Variants in MRTFB observed in about 807,000 individuals in gnomAD.
MRTFB encodes the protein myocardin-related transcription factor B.
A neutral mutation model predicts 104.2 loss-of-function variants in MRTFB; 29 were observed. That is an observed-to-expected ratio of 0.28 (90% CI 0.21 to 0.38). The LOEUF is 0.38. Among genes scored for constraint, MRTFB ranks in the 10% least tolerant of loss-of-function variants. The pLI, the probability that MRTFB is intolerant of heterozygous loss-of-function variation, is 1.00. For missense variants in MRTFB, 1,270 were observed against 1,341.6 expected (o/e 0.95, Z 0.83); for synonymous variants, 535 against 519.5 (o/e 1.03, Z -0.41).
At chr16:14,063,801 T>C in the MRTFB span, among the ~76,000 whole-genome samples, 1 of 152,216 alleles carries the variant, frequency 6.6e-6, no homozygotes, top group Non-Finnish European at 1.5e-5. Flanking sequence ...GCAAAGGACA[T>C]GATCTCATTC....
At chr16:14,039,760 C>CT in the MRTFB span, among the ~76,000 whole-genome samples, 340 of 121,924 alleles carry the variant, frequency 2.8e-3, 5 homozygotes, top group African/African-American at 8.8e-3. Context: ...ATAATATGTT[C>CT]TTTTTTTTTT....
the MRTFB span, among the ~76,000 whole-genome samples, chr16:14,008,683 A>C: frequency 1.3e-5 from 2 of 152,092 alleles, no homozygotes; most frequent in South Asian, 4.1e-4. Flanking sequence ...TTTCCATATG[A>C]ATTTTAGGAT....
the MRTFB span, among the ~76,000 whole-genome samples, chr16:14,028,915 C>T: frequency 6.6e-6 from 1 of 152,162 alleles, no homozygotes; most frequent in African/African-American, 2.4e-5. Context: ...AGAAGGTTGG[C>T]CCCAGCATCG....
chr16:14,006,432 C>G, the MRTFB span, among the ~76,000 whole-genome samples: 1 of 151,800 alleles, frequency 6.6e-6, no homozygotes, highest in African/African-American at 2.4e-5. Flanking sequence ...ATAAGAATCG[C>G]TTGACCAGAG....
intron 2 of MRTFB, among the ~76,000 whole-genome samples, chr16:14,127,919 ATATATATATATTTTTTTTTT>A (rs1461642180): frequency 6.1e-4 from 24 of 39,322 alleles, no homozygotes; most frequent in African/African-American, 5.1e-3. Context: ...ATATATATAT[ATATATATATATTTTTTTTTT>A]TTTTTTTTTT....
chr16:14,164,467 TG>T (rs35900821), intron 3 of MRTFB, among the ~76,000 whole-genome samples: 2 of 151,956 alleles, frequency 1.3e-5, no homozygotes, highest in Admixed American at 6.5e-5. Flanking sequence ...GGGTGGGGGA[TG>T]GGGGTGTTCA....
chr16:14,254,200 C>G (rs115375019), intron 15 of MRTFB, among the ~76,000 whole-genome samples: 3,255 of 152,306 alleles, frequency 0.021, 105 homozygotes, highest in African/African-American at 0.074. Flanking sequence ...GAGCACCAAA[C>G]TTCGTTTAAA....
chr16:14,261,007 C>T lies in MRTFB; in HGVS notation c.2863C>T (p.Arg955Trp), dbSNP rs767875492. The T allele has an allele frequency of 1.9e-5, 31 of 1,614,000 alleles. No homozygotes were observed. Among genetic ancestry groups the T allele is most frequent in the Non-Finnish European group, 2.5e-5 (30 of 1,180,006 alleles). Reference sequence around the variant, plus strand: ...AATGCCAGTGAATACAGTGGTGTCCCGGCCACCACCCCAAGTCCAAATGGC... The same window carrying T: ...AATGCCAGTGAATACAGTGGTGTCCTGGCCACCACCCCAAGTCCAAATGGC... ...TTMPVNTVVS[R>W]PPPQVQMAPP... The change falls in exon 17 of 17, where the codon CGG (arginine) becomes TGG (tryptophan). Residue 955 changes from arginine to tryptophan, a missense_variant. This residue lies in a region of MRTFB where 1,144 missense variants were observed against 1,131.5 expected (regional missense o/e 1.01). Coordinates refer to ENST00000571589, the MANE Select transcript of MRTFB (RefSeq NM_001308142.2).
At chr16:14,240,940 C>G (rs1796411224) in intron 10 of MRTFB, 1 of 606,138 alleles carries the variant, frequency 1.6e-6, no homozygotes, top group African/African-American at 1.8e-5. Flanking sequence ...CAGGGGAATG[C>G]TGTGAGCACT....
intron 2 of MRTFB, among the ~76,000 whole-genome samples, chr16:14,136,538 G>T (rs550261425): frequency 6.6e-6 from 1 of 151,914 alleles, no homozygotes; most frequent in African/African-American, 2.4e-5. Flanking sequence ...TACCCATCAG[G>T]GATTTTTTTT....
At chr16:14,144,957 A>C (rs897897145) in intron 3 of MRTFB, among the ~76,000 whole-genome samples, 2 of 139,160 alleles carry the variant, frequency 1.4e-5, no homozygotes, top group Non-Finnish European at 3.0e-5. Context: ...TCAAAAAAAA[A>C]AAAAATAAAT....
rs1030870737 is a variant in MRTFB at position 14,227,467 on chromosome 16, G to A, written c.694-6679G>A. Among the ~76,000 whole-genome samples the A allele has an allele frequency of 5.3e-5, 8 of 152,074 alleles. No individual in the cohort carries two copies. In the South Asian group the frequency reaches 6.2e-4, roughly 12 times the overall value. Reference sequence around the variant, plus strand: ...CGCATCCTGTACAATCTGCAGAATCGTGAGCCAAATAAACCTCTTTTATAA... The same window carrying A: ...CGCATCCTGTACAATCTGCAGAATCATGAGCCAAATAAACCTCTTTTATAA... On this transcript the variant is annotated intron_variant, in intron 8 of 16. Transcript: ENST00000571589.
At chr16:14,240,108 C>G (rs1030505257) in intron 9 of MRTFB, 129 bp from the exon 10 acceptor site, 1 of 1,136,526 alleles carries the variant, frequency 8.8e-7, no homozygotes, top group East Asian at 2.6e-5. Flanking sequence ...TAGCATATTG[C>G]TTTCCAAAGT....
intron 3 of MRTFB, among the ~76,000 whole-genome samples, chr16:14,181,205 T>A (rs2903463): frequency 0.11 from 15,954 of 151,748 alleles, 1,897 homozygotes; most frequent in African/African-American, 0.29. Context: ...TAAAAAAAAA[T>A]TTTTTTTTAA....
the MRTFB span, among the ~76,000 whole-genome samples, chr16:14,044,149 G>T: frequency 7.3e-4 from 110 of 151,672 alleles, 1 homozygote; most frequent in Admixed American, 1.9e-3. Context: ...CATTCATTCA[G>T]TCAGTCAGTC....
intron 3 of MRTFB, among the ~76,000 whole-genome samples, chr16:14,193,210 C>CAAAAAAAA (rs10616011): frequency 8.9e-5 from 5 of 56,404 alleles, no homozygotes; most frequent in Non-Finnish European, 1.5e-4. Context: ...GACCCTGTCT[C>CAAAAAAAA]AAAAAAAAAA....
At chr16:14,022,127 C>G in the MRTFB span, among the ~76,000 whole-genome samples, 13 of 152,168 alleles carry the variant, frequency 8.5e-5, no homozygotes, top group Non-Finnish European at 1.9e-4. Flanking sequence ...TACTTTTAAT[C>G]ACACCTGCAA....
intron 3 of MRTFB, among the ~76,000 whole-genome samples, chr16:14,184,071 T>TAAAAA (rs1567425329): frequency 1.5e-4 from 1 of 6,894 alleles, no homozygotes; most frequent in African/African-American, 7.2e-4. Context: ...ATCCTGAAAT[T>TAAAAA]TAAAAAAAAA....
In MRTFB at chr16:14,246,837, T is replaced by G. The variant is rs1345536625; in HGVS notation, c.1577T>G (p.Phe526Cys). The change falls in exon 12 of 17, where the codon TTC (phenylalanine) becomes TGC (cysteine). Residue 526 changes from phenylalanine (F) to cysteine (C), a missense_variant. Physicochemically the swap from Phe to Cys is radical, Grantham distance 205 (BLOSUM62 -2). Transcript: ENST00000571589. Reference protein sequence around the residue: ...STDDTNMADTFTEIMTMMSPS... With the variant: ...STDDTNMADTCTEIMTMMSPS... ...GATGACACAAACATGGCAGACACTT[T>G]CACCGAGATTATGACCATGATGTCG... 1 of 1,612,176 alleles carries G rather than the reference T, an allele frequency of 6.2e-7. No individual in the cohort carries two copies. The highest frequency in any genetic ancestry group is 1.7e-5 in the Admixed American group (1 of 59,980).
Sources: gnomAD v4.1 joint callset for allele counts (sites outside exome capture counted in the v4.1 genomes callset) on GRCh38, gnomAD v4.1.1 for gene constraint, gnomAD v4.1.1 regional missense constraint, MANE v1.5 for transcripts, NCBI Gene and HGNC (gene_info 2026-07-23, HGNC 2026-07-21) for gene names.